ARHGEF4: variants seen among roughly 807,000 people sequenced by gnomAD.
ARHGEF4 encodes APC-stimulated guanine nucleotide exchange factor 1.
A neutral mutation model predicts 162.0 loss-of-function variants in ARHGEF4; 119 were observed. The observed-to-expected ratio is 0.73, with a 90% confidence interval of 0.63 to 0.86. The LOEUF (loss-of-function observed/expected upper bound fraction) is 0.86. ARHGEF4 is among the 40% of genes least tolerant of loss of function. The pLI is 0.00. For synonymous variants in ARHGEF4, 1,014 were observed against 979.9 expected, an observed-to-expected ratio of 1.03 and a Z score of -0.65; for missense variants, 2,488 against 2,456.0, an observed-to-expected ratio of 1.01 and a Z score of -0.28.
At chr2:130,845,258 A>G (rs7581021) in intron 1 of ARHGEF4, among the ~76,000 whole-genome samples, 1 of 150,492 alleles carries the variant, frequency 6.6e-6, no homozygotes, top group Non-Finnish European at 1.5e-5. Flanking sequence ...GGTGGCTCAC[A>G]CCTGTAATCC....
chr2:130,898,703 C>A (rs1024540066), intron 1 of ARHGEF4, among the ~76,000 whole-genome samples: 1 of 152,050 alleles, frequency 6.6e-6, no homozygotes, highest in African/African-American at 2.4e-5. Flanking sequence ...GCAGTGGGTG[C>A]GAACACAACA....
intron 4 of ARHGEF4, among the ~76,000 whole-genome samples, chr2:130,960,056 A>G (rs1205019557): frequency 6.6e-6 from 1 of 152,208 alleles, no homozygotes; most frequent in Non-Finnish European, 1.5e-5. Flanking sequence ...CGTTGCATGC[A>G]TATACACACA....
intron 1 of ARHGEF4, among the ~76,000 whole-genome samples, chr2:130,868,101 A>G (rs1682425874): frequency 6.6e-6 from 1 of 150,648 alleles, no homozygotes; most frequent in South Asian, 2.1e-4. Context: ...AATTTTTTGT[A>G]TTTTTAGTAG....
intron 1 of ARHGEF4, among the ~76,000 whole-genome samples, chr2:130,841,949 G>A (rs1381632424): frequency 1.3e-5 from 2 of 152,212 alleles, no homozygotes; most frequent in East Asian, 1.9e-4. Flanking sequence ...CCTGGCCTGG[G>A]TTGATGCTCT....
In ARHGEF4 at chr2:130,986,679, C is replaced by T. The variant is rs1306064262; in HGVS notation, c.3985+40044C>T. Among the ~76,000 whole-genome samples the T allele has an allele frequency of 2.0e-5, 3 of 152,130 alleles. No homozygotes were observed. In the South Asian group the frequency reaches 6.2e-4, roughly 32 times the overall value. ...TCCACCAGCAGCAACTTGGGCCCAG[C>T]GGGAAGAATGAAGAGTCGCCCTAAG... On this transcript the variant is annotated intron_variant, in intron 4 of 13. Coordinates refer to ENST00000409359, the MANE Select transcript of ARHGEF4 (RefSeq NM_001367493.1).
At chr2:130,995,214 C>T (rs759715918) in intron 4 of ARHGEF4, among the ~76,000 whole-genome samples, 18 of 152,230 alleles carry the variant, frequency 1.2e-4, no homozygotes, top group Non-Finnish European at 2.4e-4. Flanking sequence ...CTCCTCTGTG[C>T]TTGCTGTCCT....
chr2:131,004,832 G>C (rs563412980), intron 4 of ARHGEF4, among the ~76,000 whole-genome samples: 1 of 152,224 alleles, frequency 6.6e-6, no homozygotes, highest in Non-Finnish European at 1.5e-5. Context: ...CCAGTGTCTG[G>C]TGTGGGCAAA....
chr2:130,977,395 G>A (rs867658383), intron 4 of ARHGEF4, among the ~76,000 whole-genome samples: 4 of 151,888 alleles, frequency 2.6e-5, no homozygotes, highest in Non-Finnish European at 4.4e-5. Context: ...TGTGTTGTGT[G>A]ATGTGTTTTT....
chr2:130,885,155 G>T (rs1679433476), intron 1 of ARHGEF4, among the ~76,000 whole-genome samples: 2 of 152,020 alleles, frequency 1.3e-5, no homozygotes, highest in Admixed American at 1.3e-4. Context: ...CACTGGAGTG[G>T]CTCTGAGTTT....
intron 4 of ARHGEF4, among the ~76,000 whole-genome samples, chr2:131,015,003 G>A (rs1688687183): frequency 6.6e-6 from 1 of 152,196 alleles, no homozygotes; most frequent in African/African-American, 2.4e-5. Context: ...TGTCTCACCT[G>A]TGTGTGAGCT....
intron 3 of ARHGEF4, among the ~76,000 whole-genome samples, chr2:130,937,373 T>C (rs1020105827): frequency 6.6e-6 from 1 of 152,218 alleles, no homozygotes; most frequent in Non-Finnish European, 1.5e-5. Context: ...AATCCACTGA[T>C]TCTTTTTTCT....
chr2:131,025,106 G>A (rs1244345618), intron 4 of ARHGEF4, among the ~76,000 whole-genome samples: 2 of 152,154 alleles, frequency 1.3e-5, no homozygotes, highest in Non-Finnish European at 2.9e-5. Flanking sequence ...ATGAAGGAAA[G>A]AGGTTTAATT....
chr2:130,915,856 A>G lies in ARHGEF4; in HGVS notation c.1910A>G (p.Glu637Gly). The G allele has an allele frequency of 6.5e-7, 1 of 1,543,560 alleles. No homozygotes were observed. The highest frequency in any genetic ancestry group is 8.7e-7 in the Non-Finnish European group (1 of 1,143,590). The change falls in exon 2 of 14, where the codon GAG (glutamate) becomes GGG (glycine). Residue 637 changes from glutamate to glycine, a missense_variant. Glu to Gly is a moderately conservative substitution (Grantham distance 98, BLOSUM62 -2). Coordinates refer to ENST00000409359, the MANE Select transcript of ARHGEF4 (RefSeq NM_001367493.1). ...GRGALIIVAV[E>G]QKGLQASRSN... ...GGCGCCCTCATCATTGTAGCTGTGG[A>G]GCAGAAAGGTCTTCAGGCCAGCAGG...
chr2:130,902,667 T>C (rs757774079), intron 1 of ARHGEF4, among the ~76,000 whole-genome samples: 8 of 149,624 alleles, frequency 5.3e-5, no homozygotes, highest in Non-Finnish European at 1.0e-4. Flanking sequence ...AAGCATGTTG[T>C]AGTTGGTAGC....
At chr2:130,991,715 C>G (rs1686997441) in intron 4 of ARHGEF4, among the ~76,000 whole-genome samples, 1 of 152,240 alleles carries the variant, frequency 6.6e-6, no homozygotes. Context: ...CCCGCCATGC[C>G]TGAGCCTTCC....
At chr2:130,907,340 G>T (rs1368550778) in intron 1 of ARHGEF4, among the ~76,000 whole-genome samples, 1 of 149,974 alleles carries the variant, frequency 6.7e-6, no homozygotes. Context: ...TCAGCCTCCT[G>T]AGTAGCTGGG....
chr2:130,864,873 A>G (rs1682157831), intron 1 of ARHGEF4, among the ~76,000 whole-genome samples: 1 of 152,262 alleles, frequency 6.6e-6, no homozygotes, highest in Non-Finnish European at 1.5e-5. Flanking sequence ...TGTGAATTAT[A>G]GCTCAACAAA....
intron 4 of ARHGEF4, among the ~76,000 whole-genome samples, chr2:131,005,698 G>A (rs567206148): frequency 3.7e-4 from 57 of 152,284 alleles, no homozygotes; most frequent in Non-Finnish European, 4.7e-4. Context: ...GGGGAGGGGC[G>A]GGAGTGCCCA....
At chr2:131,043,067 T>A (rs1205079049) in intron 10 of ARHGEF4, among the ~76,000 whole-genome samples, 1 of 152,208 alleles carries the variant, frequency 6.6e-6, no homozygotes, top group Non-Finnish European at 1.5e-5. Flanking sequence ...AATTTAATTT[T>A]AATAATGTTT....
Sources: gnomAD v4.1 joint callset for allele counts (sites outside exome capture counted in the v4.1 genomes callset) on GRCh38, gnomAD v4.1.1 for gene constraint, MANE v1.5 for transcripts, NCBI Gene and HGNC (gene_info 2026-07-23, HGNC 2026-07-21) for gene names.